RAD17: variants seen among roughly 807,000 people sequenced by gnomAD.
The protein encoded by RAD17 is RAD17 checkpoint clamp loader component.
A neutral mutation model predicts 81.5 loss-of-function variants in RAD17; 31 were observed. The ratio of observed to expected loss-of-function variants is 0.38; its 90% CI spans 0.29 to 0.51. RAD17 has a LOEUF of 0.51. Among genes scored for constraint, RAD17 ranks in the 20% least tolerant of loss-of-function variants. The probability of loss-of-function intolerance (pLI) is 0.88; values close to 1 mark genes in which losing one functional copy is unlikely to be tolerated. For synonymous variants in RAD17, 261 were observed against 266.2 expected, an observed-to-expected ratio of 0.98 and a Z score of 0.19; for missense variants, 681 against 781.2, an observed-to-expected ratio of 0.87 and a Z score of 1.53.
chr5:69,386,197 G>A lies in RAD17; in HGVS notation c.716G>A (p.Gly239Asp). The A allele has an allele frequency of 6.2e-7, 1 of 1,606,376 alleles. No individual in the cohort carries two copies. Among genetic ancestry groups the A allele is most frequent in the Non-Finnish European group, 8.5e-7 (1 of 1,175,912 alleles). ...TATTTTAGGAAGTATGTGAGGATTG[G>A]TCGATGTCCTCTTATATTTATAATC... ...HEVLRKYVRI[G>D]RCPLIFIISD... is the part of the protein sequence containing the mutation. Residue 239 changes from glycine (G) to aspartate (D), a missense_variant, in exon 10 of 19, where the codon GGT becomes GAT. Gly to Asp is a moderately conservative substitution (Grantham distance 94). Transcript: ENST00000354868.
In RAD17 at chr5:69,392,720, TTCTC is replaced by T. The variant is rs144676790; in HGVS notation, c.1190-432_1190-429del. On this transcript the variant is annotated intron_variant, in intron 13 of 18. Coordinates refer to ENST00000354868, the MANE Select transcript of RAD17 (RefSeq NM_133338.3). Reference sequence around the variant, plus strand: ...GACTATTCCCACCTGATTCTTTTCTTTCTCTCCTTTCTTTTCCTCCCCAACATAC... The same window carrying T: ...GACTATTCCCACCTGATTCTTTTCTTTCCTTTCTTTTCCTCCCCAACATAC... 2.8e-3 allele frequency: 1,177 copies of T among 422,284 alleles called. 10 individuals are homozygous for T. Among genetic ancestry groups the T allele is most frequent in the African/African-American group, 0.021 (1,043 of 48,834 alleles). The allele number at this position is 422,284 out of a possible 1,614,324, so 26.2% of individuals were successfully genotyped here.
intron 16 of RAD17, among the ~76,000 whole-genome samples, chr5:69,397,102 G>A (rs1192866238): frequency 6.6e-6 from 1 of 152,042 alleles, no homozygotes; most frequent in East Asian, 1.9e-4. Flanking sequence ...AAAGTGCTGG[G>A]ATTACAAATG....
chr5:69,409,504 A>G (rs1765836535), intron 17 of RAD17, among the ~76,000 whole-genome samples: 1 of 152,118 alleles, frequency 6.6e-6, no homozygotes, highest in African/African-American at 2.4e-5. Context: ...GTTTTCTTGA[A>G]TAGATCTTTT....
intron 6 of RAD17, among the ~76,000 whole-genome samples, chr5:69,376,101 A>G (rs1763317522): frequency 6.6e-6 from 1 of 152,198 alleles, no homozygotes; most frequent in Admixed American, 6.5e-5. Context: ...CAAATTGGAA[A>G]GTATTTGTGG....
Position 69,371,495 on chromosome 5 carries a change from TG to T in RAD17, c.-235del. The T allele has an allele frequency of 8.5e-7, 1 of 1,179,548 alleles. No individual in the cohort carries two copies. Among genetic ancestry groups the T allele is most frequent in the African/African-American group, 1.7e-5 (1 of 57,198 alleles). The allele number at this position is 1,179,548 out of a possible 1,614,324, so 73.1% of individuals were successfully genotyped here. A position where few individuals can be genotyped will look rare whatever the true frequency, so the allele number is the denominator to read the frequency against. On this transcript the variant is annotated 5_prime_UTR_variant, in exon 3 of 19. The change abolishes the stop of an existing upstream ORF in the 5' untranslated region. Coordinates refer to ENST00000354868, the MANE Select transcript of RAD17 (RefSeq NM_133338.3). ...TGTACTGCAAGTCCTAAACTACGGA[TG>T]GGAACTATTACAGTTTATAATGTCA...
intron 17 of RAD17, among the ~76,000 whole-genome samples, chr5:69,410,198 A>C (rs1404159199): frequency 6.6e-6 from 1 of 152,202 alleles, no homozygotes; most frequent in Non-Finnish European, 1.5e-5. Context: ...TCATACAATA[A>C]TTCCATTTTT....
At chr5:69,373,519 A>G (rs1409220202) in intron 4 of RAD17, among the ~76,000 whole-genome samples, 1 of 152,036 alleles carries the variant, frequency 6.6e-6, no homozygotes, top group Non-Finnish European at 1.5e-5. Flanking sequence ...CCTGGGCAAC[A>G]TGGCAAAAAC....
rs1762939443 is a variant in RAD17, at chr5:69,371,046, A to G, written c.-405A>G. The stretch of plus-strand genomic sequence containing the variant: ...TTCTTCGTCCACAGCAAGTGAATTC[A>G]TGGTATTTTACTTTTTTGGGAAATA... On this transcript the variant is annotated 5_prime_UTR_variant, in exon 2 of 19. It removes an upstream start codon present in the reference 5' UTR. Transcript: ENST00000354868. 3 of 372,850 alleles carry G rather than the reference A, an allele frequency of 8.0e-6. No individual in the cohort carries two copies. The Admixed American group carries it at 1.0e-4, about 12-fold the overall frequency. 23.1% of individuals were successfully genotyped at this position (372,850 alleles called of 1,614,324 possible).
chr5:69,389,735 G>C (rs982902309), intron 12 of RAD17, among the ~76,000 whole-genome samples: 24 of 152,174 alleles, frequency 1.6e-4, no homozygotes, highest in African/African-American at 5.8e-4. Context: ...CCGCCTCCCA[G>C]GTTCACAGCA....
At chr5:69,398,249 G>A (rs1369406450) in intron 16 of RAD17, among the ~76,000 whole-genome samples, 1 of 152,124 alleles carries the variant, frequency 6.6e-6, no homozygotes, top group Admixed American at 6.6e-5. Flanking sequence ...ACATATTTCA[G>A]AACATCATGT....
At chr5:69,375,096 A>G (rs1396138951) in intron 6 of RAD17, among the ~76,000 whole-genome samples, 1 of 152,250 alleles carries the variant, frequency 6.6e-6, no homozygotes, top group East Asian at 1.9e-4. Context: ...AGCCTGGGCA[A>G]CAGAGCAATA....
chr5:69,403,756 C>CA (rs1337148618), intron 17 of RAD17, among the ~76,000 whole-genome samples: 3 of 151,952 alleles, frequency 2.0e-5, no homozygotes, highest in Admixed American at 6.6e-5. Context: ...CTTGTCTCTA[C>CA]AAAAAAATTT....
intron 17 of RAD17, among the ~76,000 whole-genome samples, chr5:69,404,996 G>GA (rs553209493): frequency 2.0e-5 from 3 of 152,182 alleles, no homozygotes; most frequent in African/African-American, 7.2e-5. Flanking sequence ...AAAGGTATAT[G>GA]AAAAACTGCT....
At chr5:69,396,591 T>A in intron 16 of RAD17, 45 bp downstream of exon 16, 1 of 1,450,570 alleles carries the variant, frequency 6.9e-7, no homozygotes, top group Non-Finnish European at 9.1e-7. Context: ...ATGTGAACTT[T>A]ATGGTACGTG....
chr5:69,374,771 G>A, intron 6 of RAD17, 60 bp downstream of exon 6: 2 of 1,314,138 alleles, frequency 1.5e-6, no homozygotes, highest in Non-Finnish European at 2.1e-6. Context: ...CTTACAGTGT[G>A]TTGTTAGAAG....
intron 18 of RAD17, among the ~76,000 whole-genome samples, chr5:69,410,965 C>CCATATATATAGATATATA (rs1554044687): frequency 1.1e-5 from 1 of 90,264 alleles, no homozygotes; most frequent in Non-Finnish European, 2.0e-5. Flanking sequence ...AGATGTCTGT[C>CCATATATATAGATATATA]TATATATATA....
intron 16 of RAD17, among the ~76,000 whole-genome samples, chr5:69,398,868 TAA>T (rs72281552): frequency 3.6e-5 from 4 of 109,870 alleles, no homozygotes; most frequent in Non-Finnish European, 3.6e-5. Context: ...ATCTCCTGGT[TAA>T]AAAAAAAAAA....
At chr5:69,387,495 GAAAC>G (rs933565711) in intron 11 of RAD17, among the ~76,000 whole-genome samples, 2 of 152,120 alleles carry the variant, frequency 1.3e-5, no homozygotes, top group African/African-American at 4.8e-5. Flanking sequence ...TGAAAAATGA[GAAAC>G]AAACTGAGTC....
chr5:69,400,420 A>G (rs948200714), intron 17 of RAD17, among the ~76,000 whole-genome samples: 12 of 151,514 alleles, frequency 7.9e-5, no homozygotes, highest in Admixed American at 2.0e-4. Context: ...GTTTCACTGT[A>G]TTAGCCAGGA....
Sources: gnomAD v4.1 joint callset for allele counts (sites outside exome capture counted in the v4.1 genomes callset) on GRCh38, gnomAD v4.1.1 for gene constraint, MANE v1.5 for transcripts, NCBI Gene and HGNC (gene_info 2026-07-23, HGNC 2026-07-21) for gene names.